The following HIF1A variants were observed in gnomAD, a reference collection of about 807,000 sequenced individuals.
HIF1A encodes hypoxia-inducible factor 1-alpha.
A neutral mutation model predicts 92.7 loss-of-function variants in HIF1A; 24 were observed. The ratio of observed to expected loss-of-function variants is 0.26; its 90% CI spans 0.19 to 0.36. HIF1A has a LOEUF of 0.36. Among genes scored for constraint, HIF1A ranks in the 10% least tolerant of loss-of-function variants. HIF1A has a pLI of 1.00. For missense variants in HIF1A, 799 were observed against 998.5 expected, an observed-to-expected ratio of 0.80 and a Z score of 2.69; for synonymous variants, 319 against 338.7, an observed-to-expected ratio of 0.94 and a Z score of 0.64.
intron 1 of HIF1A, among the ~76,000 whole-genome samples, chr14:61,708,407 G>C (rs942967024): frequency 5.3e-5 from 8 of 152,108 alleles, no homozygotes; most frequent in African/African-American, 1.7e-4. Context: ...GTATTGCCTA[G>C]GTTTTATTCT....
chr14:61,736,261 G>C (rs1013188206), intron 8 of HIF1A, among the ~76,000 whole-genome samples: 1 of 152,102 alleles, frequency 6.6e-6, no homozygotes, highest in Admixed American at 6.5e-5. Context: ...ACAGGCATGA[G>C]CCACCACGCC....
At position 61,738,326 on chromosome 14, in the gene HIF1A, C is replaced by T. The variant is rs1396428193; in HGVS notation, c.1489C>T (p.Gln497Ter). Reference protein sequence around the residue: ...LSFTMPQIQDQTPSPSDGSTR... With the variant: ...LSFTMPQIQD ...TTTTACCATGCCCCAGATTCAGGAT[C>T]AGACACCTAGTCCTTCCGATGGAAG... The change falls in exon 10 of 15, where the codon CAG (glutamine) becomes TAG (stop). Residue 497 changes from glutamine to a stop codon, truncating the protein, a stop_gained. Coordinates refer to ENST00000337138, the MANE Select transcript of HIF1A (RefSeq NM_001530.4). LOFTEE classifies it high-confidence loss of function. The T allele has an allele frequency of 6.2e-7, 1 of 1,613,786 alleles. No individual in the cohort carries two copies. Among genetic ancestry groups the T allele is most frequent in the Non-Finnish European group, 8.5e-7 (1 of 1,179,878 alleles).
At chr14:61,727,910 C>G (rs1435676628) in intron 6 of HIF1A, among the ~76,000 whole-genome samples, 1 of 151,494 alleles carries the variant, frequency 6.6e-6, no homozygotes. Flanking sequence ...AGGCACTACT[C>G]AGGAGGCTGA....
Position 61,695,789 on chromosome 14 carries a change from C to T in HIF1A, c.-16C>T, listed in dbSNP as rs2044105947. The stretch of plus-strand genomic sequence containing the variant: ...GGGGCCGCCCGCCGTGAAGACATCG[C>T]GGGGACCGATTCACCATGGAGGGCG... On this transcript the variant is annotated 5_prime_UTR_variant, in exon 1 of 15. Coordinates refer to ENST00000337138, the MANE Select transcript of HIF1A (RefSeq NM_001530.4). The T allele has an allele frequency of 6.3e-7, 1 of 1,595,828 alleles. No individual in the cohort carries two copies.
chr14:61,714,598 C>A (rs900367267), intron 1 of HIF1A, among the ~76,000 whole-genome samples: 1 of 152,112 alleles, frequency 6.6e-6, no homozygotes, highest in African/African-American at 2.4e-5. Context: ...AAAATCACCT[C>A]ATGTTAGGAG....
At chr14:61,718,581 G>A (rs893231530) in intron 1 of HIF1A, among the ~76,000 whole-genome samples, 24 of 152,004 alleles carry the variant, frequency 1.6e-4, no homozygotes, top group African/African-American at 5.1e-4. Context: ...CAAGTCTTAC[G>A]TTTTATTTTT....
Position 61,726,811 on chromosome 14 carries a change from C to A in HIF1A, c.563C>A (p.Thr188Lys). ...RGRTMNIKSATWKVLHCTGHI... is the reference protein window; with the variant it reads ...RGRTMNIKSAKWKVLHCTGHI... The stretch of plus-strand genomic sequence containing the variant: ...AGAACTATGAACATAAAGTCTGCAA[C>A]ATGGAAGGTAAGTGAAAATTATTTG... Residue 188 changes from threonine (T) to lysine (K), a missense_variant, in exon 5 of 15, where the codon ACA becomes AAA. Around this residue, in one of 2 missense-constraint regions of HIF1A, gnomAD observed 516 missense variants for 721.0 expected, o/e 0.72. Coordinates refer to ENST00000337138, the MANE Select transcript of HIF1A (RefSeq NM_001530.4). The A allele has an allele frequency of 6.4e-7, 1 of 1,565,282 alleles. No individual in the cohort carries two copies. Among genetic ancestry groups the A allele is most frequent in the Non-Finnish European group, 8.7e-7 (1 of 1,144,260 alleles).
intron 1 of HIF1A, among the ~76,000 whole-genome samples, chr14:61,712,260 A>T (rs547124969): frequency 7.2e-5 from 11 of 152,208 alleles, no homozygotes; most frequent in Non-Finnish European, 1.6e-4. Context: ...ACTAGTGCAA[A>T]GGCTCTAGGA....
intron 8 of HIF1A, among the ~76,000 whole-genome samples, chr14:61,735,002 G>A (rs530780302): frequency 6.6e-6 from 1 of 152,202 alleles, no homozygotes; most frequent in South Asian, 2.1e-4. Flanking sequence ...TTAGCTCTTT[G>A]GCTTGTGAAT....
chr14:61,733,010 G>A (rs1372788976), intron 7 of HIF1A, among the ~76,000 whole-genome samples: 3 of 152,150 alleles, frequency 2.0e-5, no homozygotes, highest in African/African-American at 7.2e-5. Flanking sequence ...AGGATAAATG[G>A]AGTACCTATC....
intron 2 of HIF1A, among the ~76,000 whole-genome samples, chr14:61,721,217 G>T (rs1158398382): frequency 6.6e-6 from 1 of 152,132 alleles, no homozygotes; most frequent in African/African-American, 2.4e-5. Context: ...CTCCAGCCTG[G>T]GCGGCAGAGT....
At chr14:61,735,316 A>G (rs918860635) in intron 8 of HIF1A, among the ~76,000 whole-genome samples, 3 of 152,158 alleles carry the variant, frequency 2.0e-5, no homozygotes, top group Non-Finnish European at 4.4e-5. Flanking sequence ...GACTTTGGGC[A>G]GTTTTTATTT....
intron 8 of HIF1A, among the ~76,000 whole-genome samples, chr14:61,736,046 C>T (rs977550015): frequency 6.8e-6 from 1 of 148,020 alleles, no homozygotes; most frequent in East Asian, 2.0e-4. Context: ...AGTGCAGTGG[C>T]GTGATCTTGG....
At chr14:61,711,877 T>C (rs556125489) in intron 1 of HIF1A, among the ~76,000 whole-genome samples, 1 of 152,358 alleles carries the variant, frequency 6.6e-6, no homozygotes, top group Admixed American at 6.5e-5. Flanking sequence ...CAAAAATATA[T>C]ATTTATACTT....
intron 1 of HIF1A, chr14:61,715,903 G>A (rs1216911066): frequency 6.6e-6 from 1 of 152,200 alleles, no homozygotes; most frequent in Non-Finnish European, 1.5e-5. Flanking sequence ...GAGGTAGGGA[G>A]GGGGAGGATT....
chr14:61,710,410 T>C (rs369112436), intron 1 of HIF1A, among the ~76,000 whole-genome samples: 16 of 152,298 alleles, frequency 1.1e-4, no homozygotes, highest in African/African-American at 3.8e-4. Flanking sequence ...GGAAGAGTGT[T>C]AGACTCATAG....
chr14:61,707,558 T>G (rs2086190914), intron 1 of HIF1A, among the ~76,000 whole-genome samples: 1 of 152,074 alleles, frequency 6.6e-6, no homozygotes, highest in African/African-American at 2.4e-5. Context: ...CACGCGGTGT[T>G]TGGTTTTTTG....
chr14:61,727,463 G>T lies in HIF1A; in HGVS notation c.581G>T (p.Cys194Phe). 1.2e-6 allele frequency: 2 copies of T among 1,612,128 alleles called. No individual in the cohort carries two copies. The highest frequency in any genetic ancestry group is 1.7e-6 in the Non-Finnish European group (2 of 1,178,720). Residue 194 changes from cysteine (C) to phenylalanine (F), a missense_variant, in exon 6 of 15, where the codon TGC (cysteine) becomes TTC (phenylalanine). Transcript: ENST00000337138. ...GTTCTTCATACACAGGTATTGCACT[G>T]CACAGGCCACATTCACGTATATGAT... ...IKSATWKVLHCTGHIHVYDTN... is the reference protein window; with the variant it reads ...IKSATWKVLHFTGHIHVYDTN...
chr14:61,745,847 C>T (rs754099371), intron 14 of HIF1A, 30 bp downstream of exon 14: 2 of 1,555,866 alleles, frequency 1.3e-6, no homozygotes, highest in Non-Finnish European at 1.8e-6. Context: ...CCTTGAACAT[C>T]ACAAAGACAA....
Sources: gnomAD v4.1 joint callset for allele counts (sites outside exome capture counted in the v4.1 genomes callset) on GRCh38, gnomAD v4.1.1 for gene constraint, gnomAD v4.1.1 regional missense constraint, MANE v1.5 for transcripts, NCBI Gene and HGNC (gene_info 2026-07-23, HGNC 2026-07-21) for gene names.